Variants in STAU1 observed in about 807,000 individuals in gnomAD.
The protein encoded by STAU1 is staufen double-stranded RNA binding protein 1.
In STAU1, 13 loss-of-function variants were observed where a neutral mutation model predicts 62.9. The ratio of observed to expected loss-of-function variants is 0.21; its 90% confidence interval spans 0.13 to 0.33. STAU1 has a LOEUF of 0.33. Ranked by LOEUF, STAU1 falls within the 10% of genes least tolerant of loss-of-function variation. The probability of loss-of-function intolerance (pLI) is 1.00; values close to 1 mark genes in which losing one functional copy is unlikely to be tolerated. For missense variants in STAU1, 571 were observed against 712.1 expected (o/e 0.80, Z 2.25); for synonymous variants, 269 against 265.1 (o/e 1.01, Z -0.14).
intron 2 of STAU1, among the ~76,000 whole-genome samples, chr20:49,171,859 T>C (rs1317412948): frequency 6.7e-6 from 1 of 150,254 alleles, no homozygotes; most frequent in East Asian, 1.9e-4. Context: ...AGCAGGCCTA[T>C]ATATACTAAA....
At chr20:49,119,894 T>A in intron 9 of STAU1, 88 bp downstream of exon 9, 1 of 1,477,750 alleles carries the variant, frequency 6.8e-7, no homozygotes, top group South Asian at 1.3e-5. Context: ...AGATAAAGCC[T>A]TGCCTTGAAG....
At chr20:49,167,243 G>A (rs2146405501) in intron 2 of STAU1, among the ~76,000 whole-genome samples, 1 of 152,160 alleles carries the variant, frequency 6.6e-6, no homozygotes, top group South Asian at 2.1e-4. Context: ...TGGCAACAAA[G>A]AACAGAAATG....
At chr20:49,131,943 G>A (rs2092759606) in intron 6 of STAU1, among the ~76,000 whole-genome samples, 2 of 151,882 alleles carry the variant, frequency 1.3e-5, no homozygotes, top group African/African-American at 4.8e-5. Flanking sequence ...TCCTATTCTT[G>A]TAACTTTTAG....
chr20:49,140,942 C>T (rs1051813261), intron 5 of STAU1, among the ~76,000 whole-genome samples: 1 of 150,324 alleles, frequency 6.7e-6, no homozygotes, highest in African/African-American at 2.5e-5. Flanking sequence ...AGCTGTTTCC[C>T]TGAAGAGCAT....
intron 1 of STAU1, among the ~76,000 whole-genome samples, chr20:49,187,710 C>G (rs2093805362): frequency 6.6e-6 from 1 of 151,668 alleles, no homozygotes; most frequent in South Asian, 2.1e-4. Context: ...CTCTTAACCA[C>G]TAAGCTACAG....
At position 49,124,495 on chromosome 20, in the gene STAU1, C is replaced by T. The variant is rs1227024934; in HGVS notation, c.702G>A (p.Lys234=). The T allele has an allele frequency of 1.2e-6, 2 of 1,614,178 alleles. No individual in the cohort carries two copies. The highest frequency in any genetic ancestry group is 1.7e-6 in the Non-Finnish European group (2 of 1,180,038). The change falls in exon 7 of 14, where the codon AAG becomes AAA. Residue 234 remains lysine, a synonymous_variant. Transcript: ENST00000371856. Reference sequence around the variant, plus strand: ...TGGCGGCATTTTTCTTTGAAATCTTCTTGCTTTTCCCTTCACCTTCCCCCA... The same window carrying T: ...TGGCGGCATTTTTCTTTGAAATCTTTTTGCTTTTCCCTTCACCTTCCCCCA... ...EFVGEGEGKS[K]KISKKNAAIA... is the part of the protein sequence containing the mutation.
At chr20:49,180,975 T>G (rs1225709401) in intron 1 of STAU1, among the ~76,000 whole-genome samples, 1 of 152,042 alleles carries the variant, frequency 6.6e-6, no homozygotes, top group Admixed American at 6.6e-5. Context: ...CATGGTTCAG[T>G]GGAAAGAACA....
At chr20:49,189,426 G>A (rs1334228964), upstream of STAU1, among the ~76,000 whole-genome samples, 3 of 151,064 alleles carry the variant, frequency 2.0e-5, no homozygotes, top group African/African-American at 7.3e-5. Flanking sequence ...CCTGAGGTCA[G>A]GAGTTCGAGA....
chr20:49,165,878 AT>A, intron 3 of STAU1, 118 bp downstream of exon 3: 2 of 980,792 alleles, frequency 2.0e-6, no homozygotes, highest in Non-Finnish European at 3.1e-6. Flanking sequence ...GTGGGTGGTG[AT>A]ACTTTCTTTT....
intron 5 of STAU1, among the ~76,000 whole-genome samples, chr20:49,141,833 T>C (rs891151432): frequency 3.9e-5 from 6 of 152,210 alleles, no homozygotes; most frequent in African/African-American, 1.4e-4. Flanking sequence ...TATCCTAAAG[T>C]GGGACTGTAT....
intron 3 of STAU1, among the ~76,000 whole-genome samples, chr20:49,161,542 G>C (rs536124746): frequency 2.0e-5 from 3 of 152,116 alleles, no homozygotes; most frequent in Non-Finnish European, 4.4e-5. Flanking sequence ...AAATGCACAA[G>C]CAGTATGGAC....
At chr20:49,176,742 G>C (rs2093664264) in intron 1 of STAU1, among the ~76,000 whole-genome samples, 1 of 152,116 alleles carries the variant, frequency 6.6e-6, no homozygotes, top group South Asian at 2.1e-4. Context: ...AAAGGCCTCT[G>C]AGCAGCCCAA....
intron 6 of STAU1, among the ~76,000 whole-genome samples, chr20:49,130,267 G>A (rs575743724): frequency 6.6e-6 from 1 of 152,170 alleles, no homozygotes; most frequent in South Asian, 2.1e-4. Flanking sequence ...AACACTATAG[G>A]GACAGAATGA....
intron 13 of STAU1, 120 bp downstream of exon 13, chr20:49,115,658 CAAAA>C (rs2092302673): frequency 1.2e-6 from 1 of 861,260 alleles, no homozygotes; most frequent in Admixed American, 2.0e-5. Flanking sequence ...AACTTTCAGG[CAAAA>C]GGGCCAGAAA....
chr20:49,208,434 C>T, the STAU1 span, among the ~76,000 whole-genome samples: 1 of 151,818 alleles, frequency 6.6e-6, no homozygotes, highest in Non-Finnish European at 1.5e-5. Flanking sequence ...AATTCCTGAC[C>T]TCAAGTGATC....
chr20:49,134,449 A>AAAAAAAAAAAAAAAAAAATGG (rs2092828055), intron 6 of STAU1: 1 of 609,084 alleles, frequency 1.6e-6, no homozygotes, highest in Non-Finnish European at 2.9e-6. Context: ...AAAAAAAAAA[A>AAAAAAAAAAAAAAAAAAATGG]GCTCTGGGTT....
the STAU1 span, among the ~76,000 whole-genome samples, chr20:49,196,866 A>G: frequency 1.3e-5 from 2 of 148,808 alleles, no homozygotes; most frequent in Non-Finnish European, 3.0e-5. Context: ...TTTAGAAATA[A>G]CATCAATGGT....
chr20:49,127,461 T>C (rs1213660649), intron 6 of STAU1, among the ~76,000 whole-genome samples: 2 of 152,174 alleles, frequency 1.3e-5, no homozygotes, highest in Admixed American at 6.5e-5. Flanking sequence ...ATACCAACAC[T>C]GTGGTAGGCC....
chr20:49,121,480 GTATT>G (rs1409494272), intron 8 of STAU1, among the ~76,000 whole-genome samples: 2 of 152,180 alleles, frequency 1.3e-5, no homozygotes, highest in Non-Finnish European at 1.5e-5. Context: ...TCTACAGTAT[GTATT>G]TGTCAGTGAC....
Sources: allele counts gnomAD v4.1 joint callset (sites outside exome capture counted in the v4.1 genomes callset), GRCh38; gene constraint gnomAD v4.1.1; transcripts MANE v1.5; gene names NCBI Gene and HGNC (gene_info 2026-07-23, HGNC 2026-07-21).